The following ERCC6L2 variants were observed in gnomAD, a reference collection of about 807,000 sequenced individuals.
ERCC6L2 encodes DNA excision repair protein ERCC-6-like 2.
Under a neutral mutation model 132.0 loss-of-function variants are expected in ERCC6L2, and 77 were observed. That is an observed-to-expected ratio of 0.58 (90% CI 0.49 to 0.71). The LOEUF (loss-of-function observed/expected upper bound fraction) is 0.71. ERCC6L2 is among the 30% of genes least tolerant of loss of function. ERCC6L2 has a pLI of 0.00. For missense variants in ERCC6L2, 1,542 were observed against 1,837.6 expected, an observed-to-expected ratio of 0.84 and a Z score of 2.94; for synonymous variants, 583 against 632.4, an observed-to-expected ratio of 0.92 and a Z score of 1.17.
chr9:95,958,598 G>A (rs1482155985), intron 13 of ERCC6L2, among the ~76,000 whole-genome samples: 2 of 152,210 alleles, frequency 1.3e-5, no homozygotes, highest in East Asian at 3.9e-4. Context: ...GCATTTCTCT[G>A]ATGGCCAGTG....
downstream of ERCC6L2, chr9:96,019,796 A>G (rs145465321): frequency 1.3e-5 from 2 of 152,226 alleles, no homozygotes; most frequent in South Asian, 2.1e-4. Flanking sequence ...CAGGAAGCTT[A>G]CAATCATGGA....
intron 9 of ERCC6L2, 139 bp downstream of exon 9, chr9:95,923,518 G>A (rs1564228193): frequency 2.2e-6 from 2 of 926,506 alleles, no homozygotes; most frequent in African/African-American, 3.3e-5. Context: ...TGGTGCAATT[G>A]TATCAGCATT....
At position 95,972,557 on chromosome 9, in the gene ERCC6L2, A is replaced by T. The variant is rs1301440726; in HGVS notation, c.2806A>T (p.Thr936Ser). ...ATCTGAGGATTCTGAAACAGAACAC[A>T]CTGTAAAAACAAGAAATAATGATAA... ...EGSEDSETEHTVKTRNNDNSR... is the reference protein window; with the variant it reads ...EGSEDSETEHSVKTRNNDNSR... Residue 936 changes from threonine (T) to serine (S), a missense_variant, in exon 16 of 19, where the codon ACT becomes TCT. Thr to Ser is a moderately conservative substitution (Grantham distance 58, BLOSUM62 1). Coordinates refer to ENST00000653738, the MANE Select transcript of ERCC6L2 (RefSeq NM_020207.7). The T allele has an allele frequency of 7.8e-7, 1 of 1,289,694 alleles. No homozygotes were observed. Among genetic ancestry groups the T allele is most frequent in the East Asian group, 5.5e-5 (1 of 18,020 alleles). 79.9% of individuals were successfully genotyped at this position (1,289,694 alleles called of 1,614,324 possible). A position where few individuals can be genotyped will look rare whatever the true frequency, so the allele number is the denominator to read the frequency against.
At chr9:95,932,072 C>A (rs1337501693) in intron 11 of ERCC6L2, among the ~76,000 whole-genome samples, 1 of 150,310 alleles carries the variant, frequency 6.7e-6, no homozygotes, top group Non-Finnish European at 1.5e-5. Flanking sequence ...TTGAAATGAT[C>A]ACTTTTTTTT....
chr9:96,023,265 T>C (rs1056896818), downstream of ERCC6L2, among the ~76,000 whole-genome samples: 1 of 152,192 alleles, frequency 6.6e-6, no homozygotes, highest in African/African-American at 2.4e-5. Context: ...TAGGCTCTAG[T>C]TAAATTCCTT....
chr9:95,973,233 G>A, intron 16 of ERCC6L2, 145 bp downstream of exon 16: 1 of 473,922 alleles, frequency 2.1e-6, no homozygotes, highest in South Asian at 2.2e-5. Context: ...TGGGTAGCAG[G>A]ATAAATGGGA....
chr9:96,033,379 A>C (rs545069836), intron 19 of ERCC6L2, among the ~76,000 whole-genome samples: 1 of 152,064 alleles, frequency 6.6e-6, no homozygotes, highest in East Asian at 1.9e-4. Context: ...CCAGTAGCTG[A>C]GATGACAGGC....
At chr9:95,963,938 G>T (rs954671863) in intron 13 of ERCC6L2, among the ~76,000 whole-genome samples, 2 of 152,070 alleles carry the variant, frequency 1.3e-5, no homozygotes, top group Non-Finnish European at 1.5e-5. Flanking sequence ...AACCTTGATC[G>T]CAGGTCAAGT....
At chr9:95,915,645 C>G in intron 4 of ERCC6L2, 23 bp from the exon 5 acceptor site, 5 of 1,586,040 alleles carry the variant, frequency 3.2e-6, no homozygotes, top group Non-Finnish European at 4.3e-6. Flanking sequence ...TCAACCTCAC[C>G]CTTCTTTTTT....
At chr9:95,938,175 C>T (rs1248416219) in intron 11 of ERCC6L2, among the ~76,000 whole-genome samples, 2 of 151,638 alleles carry the variant, frequency 1.3e-5, no homozygotes, top group African/African-American at 2.4e-5. Context: ...ACTCCATTAT[C>T]GTTAGAGAAC....
At chr9:95,889,115 A>G (rs767830625) in intron 2 of ERCC6L2, among the ~76,000 whole-genome samples, 7 of 152,226 alleles carry the variant, frequency 4.6e-5, no homozygotes, top group Non-Finnish European at 8.8e-5. Context: ...ATCTATACTT[A>G]GAGTTTATAA....
intron 17 of ERCC6L2, among the ~76,000 whole-genome samples, chr9:96,001,047 C>T (rs1051426258): frequency 4.0e-5 from 6 of 151,866 alleles, no homozygotes; most frequent in Admixed American, 2.6e-4. Context: ...CAGACCTTCG[C>T]GGTGAGTGTT....
intron 11 of ERCC6L2, among the ~76,000 whole-genome samples, chr9:95,929,603 A>G (rs2132798865): frequency 6.6e-6 from 1 of 152,348 alleles, no homozygotes; most frequent in South Asian, 2.1e-4. Flanking sequence ...ACTTAAAATG[A>G]GGAATAAAAT....
At chr9:95,953,030 C>G (rs1435711142) in intron 12 of ERCC6L2, among the ~76,000 whole-genome samples, 1 of 152,022 alleles carries the variant, frequency 6.6e-6, no homozygotes, top group Non-Finnish European at 1.5e-5. Context: ...TCATCAAATT[C>G]ACAAAGACAG....
intron 1 of ERCC6L2, chr9:95,876,508 G>C (rs1478033842): frequency 1.2e-5 from 2 of 162,892 alleles, no homozygotes; most frequent in African/African-American, 4.8e-5. Flanking sequence ...GAAGTTTGTT[G>C]TAAGTAGATA....
chr9:96,013,566 T>C lies in ERCC6L2; in HGVS notation c.*363T>C, dbSNP rs899167009. 2.4e-5 allele frequency: 4 copies of C among 164,452 alleles called. No homozygotes were observed. The highest frequency in any genetic ancestry group is 9.6e-5 in the African/African-American group (4 of 41,540). 10.2% of individuals were successfully genotyped at this position (164,452 alleles called of 1,614,324 possible). ...ATGAAGAGTCTGTACCGAATCAGCA[T>C]GAGTGTCCTTCCAGTTTAAAAAAGC... On this transcript the variant is annotated 3_prime_UTR_variant, in exon 19 of 19. Coordinates refer to ENST00000653738, the MANE Select transcript of ERCC6L2 (RefSeq NM_020207.7).
At chr9:95,948,584 T>C (rs904574273) in intron 12 of ERCC6L2, among the ~76,000 whole-genome samples, 7 of 152,126 alleles carry the variant, frequency 4.6e-5, no homozygotes, top group Admixed American at 4.6e-4. Flanking sequence ...AGGTGGAGGC[T>C]GCAGTTAGCC....
intron 3 of ERCC6L2, among the ~76,000 whole-genome samples, chr9:95,898,833 A>T (rs894970543): frequency 6.6e-6 from 1 of 152,208 alleles, no homozygotes; most frequent in Non-Finnish European, 1.5e-5. Context: ...GACCATTTCA[A>T]TGCAAACTTT....
At chr9:95,948,555 A>C (rs1399169224) in intron 12 of ERCC6L2, among the ~76,000 whole-genome samples, 1 of 152,162 alleles carries the variant, frequency 6.6e-6, no homozygotes, top group Non-Finnish European at 1.5e-5. Flanking sequence ...CAGGAGGCTG[A>C]GAATCGTTTG....
Sources: allele counts gnomAD v4.1 joint callset (sites outside exome capture counted in the v4.1 genomes callset), GRCh38; gene constraint gnomAD v4.1.1; transcripts MANE v1.5; gene names NCBI Gene and HGNC (gene_info 2026-07-23, HGNC 2026-07-21).